The following RAB3C variants were observed in gnomAD, a reference collection of about 807,000 sequenced individuals.
RAB3C encodes the protein RAB3C, member RAS oncogene family, also known as ras-related protein Rab-3C.
In RAB3C, 17 loss-of-function variants were observed where a neutral mutation model predicts 26.4. That is an observed-to-expected ratio of 0.64 (90% CI 0.44 to 0.97). The LOEUF (loss-of-function observed/expected upper bound fraction) is 0.97, where lower values mean the gene tolerates loss of function less well. Among genes scored for constraint, RAB3C ranks in the 50% least tolerant of loss-of-function variants. The probability of loss-of-function intolerance (pLI) is 0.00; values close to 1 mark genes in which losing one functional copy is unlikely to be tolerated. For synonymous variants in RAB3C, 91 were observed against 95.9 expected (o/e 0.95, Z 0.30); for missense variants, 242 against 281.9 (o/e 0.86, Z 1.01).
intron 3 of RAB3C, among the ~76,000 whole-genome samples, chr5:58,743,648 G>A (rs1741329241): frequency 6.6e-6 from 1 of 152,088 alleles, no homozygotes; most frequent in Non-Finnish European, 1.5e-5. Flanking sequence ...CCACTTGTGA[G>A]TGAGAACATG....
chr5:58,769,083 G>A (rs1741971114), intron 3 of RAB3C, among the ~76,000 whole-genome samples: 1 of 151,952 alleles, frequency 6.6e-6, no homozygotes, highest in East Asian at 1.9e-4. Flanking sequence ...GATGACAGGG[G>A]AGACCAAGAA....
chr5:58,724,691 G>T (rs771740916), intron 2 of RAB3C, among the ~76,000 whole-genome samples: 7 of 151,244 alleles, frequency 4.6e-5, no homozygotes, highest in African/African-American at 7.3e-5. Flanking sequence ...ACCAAAAAAA[G>T]AATTTTTCAG....
chr5:58,807,814 C>T (rs1400949269), intron 3 of RAB3C, among the ~76,000 whole-genome samples: 3 of 147,888 alleles, frequency 2.0e-5, no homozygotes, highest in African/African-American at 7.9e-5. Context: ...AGTGGGTACT[C>T]TCCAGTAGAA....
chr5:58,642,858 G>A (rs961104149), intron 2 of RAB3C, among the ~76,000 whole-genome samples: 2 of 152,172 alleles, frequency 1.3e-5, no homozygotes, highest in Admixed American at 6.5e-5. Context: ...GTAAAGTAAG[G>A]CAGGAAACCA....
At chr5:58,832,391 G>C (rs1260367186) in intron 4 of RAB3C, among the ~76,000 whole-genome samples, 2 of 152,078 alleles carry the variant, frequency 1.3e-5, no homozygotes, top group African/African-American at 2.4e-5. Context: ...ATTTCTTTTG[G>C]GGGGCAGGAG....
At chr5:58,716,254 C>T (rs1305144892) in intron 2 of RAB3C, among the ~76,000 whole-genome samples, 2 of 151,886 alleles carry the variant, frequency 1.3e-5, no homozygotes, top group Non-Finnish European at 2.9e-5. Context: ...GACACAGCTA[C>T]AATTGGTTGA....
At chr5:58,706,109 G>C (rs1042723857) in intron 2 of RAB3C, among the ~76,000 whole-genome samples, 35 of 152,186 alleles carry the variant, frequency 2.3e-4, no homozygotes, top group African/African-American at 8.4e-4. Flanking sequence ...GGGTGATCTA[G>C]GAGTTAGTGT....
rs1744256188 is a variant in RAB3C at position 58,856,192 on chromosome 5, G to C, written c.*4841G>C. On this transcript the variant is annotated 3_prime_UTR_variant, in exon 5 of 5. Coordinates refer to ENST00000282878, the MANE Select transcript of RAB3C (RefSeq NM_138453.4). ...GCTATAACTCACATCTTACTTATAA[G>C]GTCCATAAAATCGGTTCTTCACACT... 1 of 151,778 alleles carries C rather than the reference G, an allele frequency of 6.6e-6. No homozygotes were observed. Among genetic ancestry groups the C allele is most frequent in the African/African-American group, 2.4e-5 (1 of 41,280 alleles). 9.4% of individuals were successfully genotyped at this position (151,778 alleles called of 1,614,324 possible).
At chr5:58,674,348 T>C (rs891995717) in intron 2 of RAB3C, among the ~76,000 whole-genome samples, 2 of 152,244 alleles carry the variant, frequency 1.3e-5, no homozygotes, top group African/African-American at 2.4e-5. Context: ...TTTTGAAGTA[T>C]ATATTAATAT....
chr5:58,648,122 A>G (rs935250770), intron 2 of RAB3C, among the ~76,000 whole-genome samples: 2 of 152,212 alleles, frequency 1.3e-5, no homozygotes, highest in Non-Finnish European at 2.9e-5. Flanking sequence ...GCTAAAACTA[A>G]AAAGTCATGA....
chr5:58,801,706 C>T (rs1742811571), intron 3 of RAB3C, among the ~76,000 whole-genome samples: 1 of 152,226 alleles, frequency 6.6e-6, no homozygotes, highest in Non-Finnish European at 1.5e-5. Context: ...GATTATGAGA[C>T]CCTCATTGGT....
intron 2 of RAB3C, among the ~76,000 whole-genome samples, chr5:58,629,154 A>C (rs1579826141): frequency 6.6e-6 from 1 of 151,500 alleles, no homozygotes; most frequent in South Asian, 2.1e-4. Context: ...GTAATCTGGC[A>C]GGTGGTAGAT....
chr5:58,601,682 G>A (rs1746461066), intron 1 of RAB3C, among the ~76,000 whole-genome samples: 1 of 152,030 alleles, frequency 6.6e-6, no homozygotes, highest in African/African-American at 2.4e-5. Context: ...AGTGGTGTCA[G>A]CTGTAATATC....
intron 3 of RAB3C, among the ~76,000 whole-genome samples, chr5:58,806,539 C>A (rs1378985801): frequency 6.6e-6 from 1 of 152,110 alleles, no homozygotes; most frequent in Non-Finnish European, 1.5e-5. Context: ...AAAAGAAAAC[C>A]CTTGGTTCTG....
intron 2 of RAB3C, among the ~76,000 whole-genome samples, chr5:58,631,116 A>T (rs1302792584): frequency 2.0e-5 from 3 of 152,310 alleles, no homozygotes; most frequent in African/African-American, 7.2e-5. Flanking sequence ...CCTTTATACC[A>T]GTTATTTTCA....
intron 2 of RAB3C, among the ~76,000 whole-genome samples, chr5:58,724,878 ATATATT>A (rs911919019): frequency 4.0e-5 from 6 of 151,470 alleles, no homozygotes; most frequent in Admixed American, 6.6e-5. Flanking sequence ...TACAATTTAC[ATATATT>A]TATATTGCCT....
At chr5:58,596,415 T>C (rs888829463) in intron 1 of RAB3C, among the ~76,000 whole-genome samples, 2 of 148,750 alleles carry the variant, frequency 1.3e-5, no homozygotes, top group African/African-American at 4.9e-5. Context: ...GTGAAATCCC[T>C]TTACTATTAT....
At chr5:58,607,815 G>A (rs961476339) in intron 1 of RAB3C, among the ~76,000 whole-genome samples, 1 of 152,120 alleles carries the variant, frequency 6.6e-6, no homozygotes, top group African/African-American at 2.4e-5. Flanking sequence ...GCCAAACTAA[G>A]CTTCATAAGT....
At chr5:58,592,852 T>G (rs945770618) in intron 1 of RAB3C, among the ~76,000 whole-genome samples, 6 of 152,156 alleles carry the variant, frequency 3.9e-5, no homozygotes, top group Non-Finnish European at 8.8e-5. Context: ...TAACTTTGAG[T>G]TTAAACAATT....
Sources: allele counts gnomAD v4.1 joint callset (sites outside exome capture counted in the v4.1 genomes callset), GRCh38; gene constraint gnomAD v4.1.1; transcripts MANE v1.5; gene names NCBI Gene and HGNC (gene_info 2026-07-23, HGNC 2026-07-21).